The following MTERF3 variants were observed in gnomAD, a reference collection of about 807,000 sequenced individuals.
The protein encoded by MTERF3 is mitochondrial transcription termination factor 3.
In MTERF3, 40 loss-of-function variants were observed where a neutral mutation model predicts 40.5. The ratio of observed to expected loss-of-function variants is 0.99; its 90% confidence interval spans 0.77 to 1.29. The LOEUF is 1.29. Ranked by LOEUF, MTERF3 falls within the 50% of genes most tolerant of loss-of-function variation. MTERF3 has a pLI of 0.00. For synonymous variants in MTERF3, 158 were observed against 166.6 expected, an observed-to-expected ratio of 0.95 and a Z score of 0.40; for missense variants, 452 against 478.2, an observed-to-expected ratio of 0.95 and a Z score of 0.51.
chr8:96,250,506 T>A (rs1810114315), intron 4 of MTERF3, among the ~76,000 whole-genome samples: 1 of 142,670 alleles, frequency 7.0e-6, no homozygotes, highest in Non-Finnish European at 1.6e-5. Context: ...AGGTCAGGAG[T>A]TCGAGAACAG....
chr8:96,257,735 G>A lies in MTERF3; in HGVS notation c.335-621C>T, dbSNP rs576541257. On this transcript the variant is annotated intron_variant, in intron 2 of 7. Transcript: ENST00000287025. ...CCTTAAGCTAAGGAATCAGGTCTGT[G>A]ATCTTTTGTTCTGTTTTGTGCTTCT... is the stretch of plus-strand genomic sequence containing the variant. 3.5e-4 allele frequency among the ~76,000 whole-genome samples: 54 copies of A among 152,198 alleles called. No homozygotes were observed. The South Asian group carries it at 0.011, about 30-fold the overall frequency.
chr8:96,257,535 C>T (rs1810304029), intron 2 of MTERF3, among the ~76,000 whole-genome samples: 1 of 152,142 alleles, frequency 6.6e-6, no homozygotes, highest in East Asian at 1.9e-4. Flanking sequence ...TGACCCAATG[C>T]CCTCCCTTCC....
chr8:96,250,062 A>G (rs938410565), intron 4 of MTERF3, among the ~76,000 whole-genome samples: 4 of 152,200 alleles, frequency 2.6e-5, no homozygotes, highest in African/African-American at 9.6e-5. Context: ...TCACAGATCA[A>G]TATCTCACTG....
At chr8:96,260,804 G>C (rs551165611) in intron 1 of MTERF3, among the ~76,000 whole-genome samples, 7 of 152,234 alleles carry the variant, frequency 4.6e-5, no homozygotes, top group African/African-American at 7.2e-5. Context: ...ATGCACGAGA[G>C]CAGAGCTGGG....
chr8:96,252,305 A>G (rs1810200214), intron 3 of MTERF3, among the ~76,000 whole-genome samples: 1 of 152,250 alleles, frequency 6.6e-6, no homozygotes, highest in African/African-American at 2.4e-5. Context: ...TGCATTTCAA[A>G]TCAAATAGAT....
At chr8:96,242,498 C>T (rs535157616) in intron 7 of MTERF3, among the ~76,000 whole-genome samples, 1 of 152,114 alleles carries the variant, frequency 6.6e-6, no homozygotes, top group Non-Finnish European at 1.5e-5. Context: ...GTGGTTCTGC[C>T]CCAACCTTGT....
chr8:96,247,521 A>T (rs1390140738), intron 4 of MTERF3, among the ~76,000 whole-genome samples: 1 of 152,232 alleles, frequency 6.6e-6, no homozygotes, highest in Admixed American at 6.5e-5. Context: ...TTGTGAGCCA[A>T]GTGAATTTTC....
chr8:96,241,299 A>T lies in MTERF3; in HGVS notation c.1060-1614T>A, dbSNP rs372131399. 1.1e-4 allele frequency among the ~76,000 whole-genome samples: 17 copies of T among 151,952 alleles called. No homozygotes were observed. In the East Asian group the frequency reaches 1.7e-3, roughly 16 times the overall value. On this transcript the variant is annotated intron_variant, in intron 7 of 7. Transcript: ENST00000287025. ...GTGGCAGGCGCTTGTAGTCCCAGCT[A>T]CTCAGGAGGCTGAGTCAGAAGAATC...
intron 1 of MTERF3, among the ~76,000 whole-genome samples, chr8:96,259,816 T>C (rs919496064): frequency 1.5e-4 from 23 of 152,320 alleles, no homozygotes; most frequent in African/African-American, 4.3e-4. Context: ...TAATCTTTTC[T>C]TGGAGATCTG....
At position 96,239,563 on chromosome 8, in the gene MTERF3, A is replaced by G. The variant is rs1809881206; in HGVS notation, c.1182T>C (p.Pro394=). 3 of 1,612,918 alleles carry G rather than the reference A, an allele frequency of 1.9e-6. No individual in the cohort carries two copies. The highest frequency in any genetic ancestry group is 2.2e-5 in the East Asian group (1 of 44,798). ...YISLDKLVSI[P]DEIFCEEIAK... ...CAATCTCTTCACAAAATATTTCATC[A>G]GGAATAGATACTAGTTTGTCCAAAG... The change falls in exon 8 of 8, where the codon CCT becomes CCC. Residue 394 remains proline, a synonymous_variant. Transcript: ENST00000287025.
Position 96,239,517 on chromosome 8 carries a change from A to C in MTERF3, c.1228T>G (p.Phe410Val), listed in dbSNP as rs1223364111. The C allele has an allele frequency of 6.3e-7, 1 of 1,589,642 alleles. No homozygotes were observed. Among genetic ancestry groups the C allele is most frequent in the Admixed American group, 1.9e-5 (1 of 51,786 alleles). ...EEIAKASVQD[F>V]EKFLKTL is the part of the protein sequence containing the mutation. ...TAAAGCGTTTTTAAGAATTTTTCAAAGTCCTGTACTGATGCTTTGGCAATC... is the reference window on the plus strand; with the variant it reads ...TAAAGCGTTTTTAAGAATTTTTCAACGTCCTGTACTGATGCTTTGGCAATC... Residue 410 changes from phenylalanine (F) to valine (V), a missense_variant, in exon 8 of 8, where the codon TTT (phenylalanine) becomes GTT (valine). Transcript: ENST00000287025.
Position 96,239,441 on chromosome 8 carries a change from T to C in MTERF3, c.*50A>G, listed in dbSNP as rs1809877870. 7.5e-7 allele frequency: 1 copy of C among 1,325,628 alleles called. No homozygotes were observed. Among genetic ancestry groups the C allele is most frequent in the Non-Finnish European group, 1.0e-6 (1 of 979,456 alleles). 82.1% of individuals were successfully genotyped at this position (1,325,628 alleles called of 1,614,324 possible). ...AGGCATTTAAAAATATATTCATTTA[T>C]TCATATATATATTCACTTTACAATA... On this transcript the variant is annotated 3_prime_UTR_variant, in exon 8 of 8. Transcript: ENST00000287025.
In MTERF3 at chr8:96,250,992, A is replaced by T. The variant is rs756324319; in HGVS notation, c.591T>A (p.Asp197Glu). 16 of 1,606,840 alleles carry T rather than the reference A, an allele frequency of 1.0e-5. No homozygotes were observed. Among genetic ancestry groups the T allele is most frequent in the Non-Finnish European group, 1.4e-5 (16 of 1,178,326 alleles). Residue 197 changes from aspartate to glutamate, a missense_variant, in exon 4 of 8, where the codon GAT becomes GAA. Asp to Glu is a conservative substitution (Grantham distance 45, BLOSUM62 2). Coordinates refer to ENST00000287025, the MANE Select transcript of MTERF3 (RefSeq NM_015942.5). ...DIKQMLLFLK[D>E]VGIEDNQLGA... is the part of the protein sequence containing the mutation. ...CCAGTTGGTTATCCTCTATACCCAC[A>T]TCTTTAAGAAACAGAAGCATTTGCT...
rs931647805 is a variant in MTERF3, at chr8:96,250,801, A to T, written c.677+105T>A. On this transcript the variant is annotated intron_variant, in intron 4 of 7. Coordinates refer to ENST00000287025, the MANE Select transcript of MTERF3 (RefSeq NM_015942.5). ...GTCTATAACAAAAAAAATTCATGTT[A>T]TCTCAGTAGACCCTTGTGCAGCAGA... 5 of 1,080,648 alleles carry T rather than the reference A, an allele frequency of 4.6e-6. No homozygotes were observed. The South Asian group carries it at 6.3e-5, about 14-fold the overall frequency. 66.9% of individuals were successfully genotyped at this position (1,080,648 alleles called of 1,614,324 possible). A position where few individuals can be genotyped will look rare whatever the true frequency, so the allele number is the denominator to read the frequency against.
chr8:96,244,519 G>T (rs1369413409), intron 6 of MTERF3, among the ~76,000 whole-genome samples: 18 of 152,078 alleles, frequency 1.2e-4, no homozygotes, highest in Admixed American at 1.2e-3. Flanking sequence ...TCCTGCCTCA[G>T]CCTTCTAAGT....
In MTERF3 at chr8:96,243,923, G is replaced by A. The variant is rs1809974168; in HGVS notation, c.1055C>T (p.Pro352Leu). 1.2e-6 allele frequency: 2 copies of A among 1,613,630 alleles called. No individual in the cohort carries two copies. Among genetic ancestry groups the A allele is most frequent in the Non-Finnish European group, 1.7e-6 (2 of 1,179,846 alleles). ...SIPHHIIVKF[P>L]QVFNTRLFKV... ...GAGAGCTGTGAGTGGCATTACCTGT[G>A]GGAACTTGACAATGATGTGGTGGGG... Residue 352 changes from proline (P) to leucine (L), a missense_variant, in exon 7 of 8, where the codon CCA becomes CTA. Coordinates refer to ENST00000287025, the MANE Select transcript of MTERF3 (RefSeq NM_015942.5).
At chr8:96,259,630 G>C (rs1340506303) in intron 1 of MTERF3, among the ~76,000 whole-genome samples, 2 of 152,118 alleles carry the variant, frequency 1.3e-5, no homozygotes, top group East Asian at 1.9e-4. Flanking sequence ...ATAAAACACA[G>C]GATGGAGTCA....
chr8:96,253,776 T>G (rs1810229438), intron 3 of MTERF3, among the ~76,000 whole-genome samples: 2 of 145,432 alleles, frequency 1.4e-5, no homozygotes, highest in Admixed American at 7.1e-5. Flanking sequence ...AAAGCCGAGG[T>G]GGGAGGAAAG....
chr8:96,258,710 A>G lies in MTERF3; in HGVS notation c.-10-10T>C, dbSNP rs946166932. 3.2e-6 allele frequency: 5 copies of G among 1,553,674 alleles called. No individual in the cohort carries two copies. Among genetic ancestry groups the G allele is most frequent in the African/African-American group, 2.7e-5 (2 of 72,830 alleles). On this transcript the variant is annotated splice_polypyrimidine_tract_variant and intron_variant, in intron 1 of 7. Transcript: ENST00000287025. ...AGCCATTTTTCTTAGTCTACAAAGG[A>G]AAGATATAACCGTCAAAAGAAGAGA...
Sources: gnomAD v4.1 joint callset for allele counts (sites outside exome capture counted in the v4.1 genomes callset) on GRCh38, gnomAD v4.1.1 for gene constraint, MANE v1.5 for transcripts, NCBI Gene and HGNC (gene_info 2026-07-23, HGNC 2026-07-21) for gene names.